The following IQSEC1 variants were observed in gnomAD, a reference collection of about 807,000 sequenced individuals.
The protein encoded by IQSEC1 is IQ motif and SEC7 domain-containing protein 1.
A neutral mutation model predicts 91.0 loss-of-function variants in IQSEC1; 31 were observed. That is an observed-to-expected ratio of 0.34 (90% CI 0.26 to 0.46). The LOEUF is 0.46. IQSEC1 is among the 20% of genes least tolerant of loss of function. IQSEC1 has a pLI of 1.00. For missense variants in IQSEC1, 1,388 were observed against 1,575.6 expected (o/e 0.88, Z 2.02); for synonymous variants, 699 against 662.6 (o/e 1.05, Z -0.84).
At chr3:13,024,370 A>C (rs370864996) in intron 1 of IQSEC1, among the ~76,000 whole-genome samples, 2 of 90,094 alleles carry the variant, frequency 2.2e-5, no homozygotes, top group Admixed American at 1.1e-4. Context: ...CCCATCCATC[A>C]CTCCATCCAT....
chr3:13,144,643 C>T (rs796373861), intron 2 of IQSEC1, among the ~76,000 whole-genome samples: 5 of 152,340 alleles, frequency 3.3e-5, no homozygotes, highest in African/African-American at 9.6e-5. Context: ...AAGCCCACCG[C>T]GTCCCTTCCA....
upstream of IQSEC1, among the ~76,000 whole-genome samples, chr3:13,074,409 G>A (rs1705529311): frequency 1.3e-5 from 2 of 152,270 alleles, no homozygotes; most frequent in South Asian, 4.2e-4. Context: ...TCCCACACCC[G>A]CCTTTCCCAC....
intron 1 of IQSEC1, 86 bp downstream of exon 1, chr3:13,072,906 C>A (rs756659563): frequency 5.1e-5 from 63 of 1,244,710 alleles, no homozygotes; most frequent in Middle Eastern, 3.8e-4. Context: ...TGCCCCTCCC[C>A]CAACGATGCC....
intron 1 of IQSEC1, among the ~76,000 whole-genome samples, chr3:13,040,951 C>T (rs972888899): frequency 1.3e-5 from 2 of 152,150 alleles, no homozygotes; most frequent in Non-Finnish European, 2.9e-5. Flanking sequence ...TGGCCCAGGA[C>T]TCCGGCGTCT....
intron 1 of IQSEC1, among the ~76,000 whole-genome samples, chr3:12,951,750 C>A (rs1033295000): frequency 3.3e-5 from 5 of 152,168 alleles, no homozygotes; most frequent in African/African-American, 9.7e-5. Context: ...CCTCCCCTGG[C>A]AGGCAGGGTT....
chr3:13,195,867 T>C (rs957344585), intron 1 of IQSEC1, among the ~76,000 whole-genome samples: 1 of 152,190 alleles, frequency 6.6e-6, no homozygotes, highest in African/African-American at 2.4e-5. Context: ...ATGGTATCAG[T>C]ATCAATAATA....
intron 2 of IQSEC1, among the ~76,000 whole-genome samples, chr3:13,079,881 T>C (rs73022515): frequency 0.06 from 9,067 of 152,152 alleles, 323 homozygotes; most frequent in African/African-American, 0.084. Flanking sequence ...AATAATACTA[T>C]GTAAGATGAG....
chr3:13,110,586 TCAAC>T (rs890567715), intron 2 of IQSEC1, among the ~76,000 whole-genome samples: 2 of 152,146 alleles, frequency 1.3e-5, no homozygotes, highest in Non-Finnish European at 2.9e-5. Flanking sequence ...AGACTTCGTT[TCAAC>T]CAAACTGTCC....
intron 2 of IQSEC1, among the ~76,000 whole-genome samples, chr3:13,114,522 T>C (rs1559258021): frequency 6.6e-6 from 1 of 152,190 alleles, no homozygotes; most frequent in Non-Finnish European, 1.5e-5. Context: ...CCAGGTGCAG[T>C]GGCTCATGCC....
intron 1 of IQSEC1, among the ~76,000 whole-genome samples, chr3:12,959,845 A>G (rs1700134901): frequency 6.6e-6 from 1 of 152,228 alleles, no homozygotes; most frequent in Non-Finnish European, 1.5e-5. Context: ...GCTAAAAATA[A>G]CGCTAAGACT....
intron 2 of IQSEC1, among the ~76,000 whole-genome samples, chr3:13,084,324 A>AC (rs59905756): frequency 0.2 from 30,134 of 151,740 alleles, 3,476 homozygotes; most frequent in Middle Eastern, 0.28. Context: ...CTCCTTCCAC[A>AC]CCCCACATCC....
intron 1 of IQSEC1, among the ~76,000 whole-genome samples, chr3:13,177,858 G>T (rs1267358658): frequency 6.6e-6 from 1 of 152,184 alleles, no homozygotes; most frequent in African/African-American, 2.4e-5. Flanking sequence ...GGGCCTGCAG[G>T]GGCTACACAG....
At chr3:13,075,159 C>A (rs1705543656), upstream of IQSEC1, among the ~76,000 whole-genome samples, 1 of 152,206 alleles carries the variant, frequency 6.6e-6, no homozygotes, top group African/African-American at 2.4e-5. Flanking sequence ...CCCACCCCAC[C>A]CCTCTCCTCA....
intron 1 of IQSEC1, among the ~76,000 whole-genome samples, chr3:13,206,982 C>G (rs1023618997): frequency 6.6e-6 from 1 of 152,048 alleles, no homozygotes. Flanking sequence ...CCCCAGCTCC[C>G]GGCACCTCCC....
chr3:13,122,801 C>T (rs1706446658), intron 2 of IQSEC1, among the ~76,000 whole-genome samples: 1 of 152,204 alleles, frequency 6.6e-6, no homozygotes, highest in African/African-American at 2.4e-5. Flanking sequence ...TTCAAATCCA[C>T]ATCTCCCCAT....
chr3:13,009,537 C>A (rs149823270), intron 1 of IQSEC1, among the ~76,000 whole-genome samples: 1 of 151,800 alleles, frequency 6.6e-6, no homozygotes, highest in African/African-American at 2.4e-5. Flanking sequence ...CCCGGAAATG[C>A]CCCAGATGCC....
intron 2 of IQSEC1, among the ~76,000 whole-genome samples, chr3:13,162,855 C>T (rs755310685): frequency 2.0e-5 from 3 of 152,238 alleles, no homozygotes; most frequent in Middle Eastern, 3.4e-3. Flanking sequence ...CCCCCTCCCT[C>T]GGATCCCCAG....
At position 12,904,821 on chromosome 3, in the gene IQSEC1, G is replaced by A. The variant is rs141612033; in HGVS notation, c.2756-1999C>T. On this transcript the variant is annotated intron_variant, in intron 12 of 13. Transcript: ENST00000613206. ...TCTGGCTGGCCTATAGCTTCTGACA[G>A]GACCTGGGCCAGCCCTGAAGGCTGG... Among the ~76,000 whole-genome samples, 555 of 152,356 alleles carry A rather than the reference G, an allele frequency of 3.6e-3. 5 individuals carry two copies. Among genetic ancestry groups the A allele is most frequent in the African/African-American group, 0.013 (524 of 41,584 alleles).
chr3:12,989,438 G>A (rs1701889821), intron 1 of IQSEC1, among the ~76,000 whole-genome samples: 1 of 152,182 alleles, frequency 6.6e-6, no homozygotes, highest in Non-Finnish European at 1.5e-5. Context: ...CTTCATAACT[G>A]CCTTAGGAGG....
Sources: gnomAD v4.1 joint callset for allele counts (sites outside exome capture counted in the v4.1 genomes callset) on GRCh38, gnomAD v4.1.1 for gene constraint, MANE v1.5 for transcripts, NCBI Gene and HGNC (gene_info 2026-07-23, HGNC 2026-07-21) for gene names.